Variants in DOCK6 observed in about 807,000 individuals in gnomAD.
DOCK6 encodes the protein dedicator of cytokinesis 6, also known as dedicator of cytokinesis protein 6.
Under a neutral mutation model 230.3 loss-of-function variants are expected in DOCK6, and 167 were observed. The observed-to-expected ratio is 0.73, with a 90% CI of 0.64 to 0.82. The LOEUF (loss-of-function observed/expected upper bound fraction) is 0.82. DOCK6 is among the 40% of genes least tolerant of loss of function. DOCK6 has a pLI of 0.00. For synonymous variants in DOCK6, 1,148 were observed against 1,185.0 expected (o/e 0.97, Z 0.64); for missense variants, 2,598 against 2,825.8 (o/e 0.92, Z 1.83).
In DOCK6 at chr19:11,227,343, G is replaced by A. The variant is rs544139438; in HGVS notation, c.2949C>T (p.Val983=). Reference sequence around the variant, plus strand: ...GAGACCCTGCATCTCTCACCTTGTGGACACGGGTGATGACCTCCAGGCCCA... The same window carrying A: ...GAGACCCTGCATCTCTCACCTTGTGAACACGGGTGATGACCTCCAGGCCCA... ...GSVGLEVITR[V]HKDVELAEHL... The change falls in exon 24 of 48, where the codon GTC becomes GTT. Residue 983 remains valine (V), a synonymous_variant. Transcript: ENST00000294618. The A allele has an allele frequency of 1.6e-5, 26 of 1,613,856 alleles. No individual in the cohort carries two copies. In the South Asian group the frequency reaches 2.7e-4, roughly 17 times the overall value.
At position 11,238,125 on chromosome 19, in the gene DOCK6, T is replaced by G. The variant is rs2079880558; in HGVS notation, c.1762-10A>C. 1 of 1,612,366 alleles carries G rather than the reference T, an allele frequency of 6.2e-7. No homozygotes were observed. Among genetic ancestry groups the G allele is most frequent in the Admixed American group, 1.7e-5 (1 of 59,820 alleles). ...ACTTGCCAAAGATGACCTGGGAGAG[T>G]GGATTCATGAGGGACCCATGGGGGA... On this transcript the variant is annotated splice_polypyrimidine_tract_variant and intron_variant, in intron 15 of 47. Coordinates refer to ENST00000294618, the MANE Select transcript of DOCK6 (RefSeq NM_020812.4).
intron 22 of DOCK6, among the ~76,000 whole-genome samples, chr19:11,231,748 T>C (rs2079768746): frequency 6.6e-6 from 1 of 151,956 alleles, no homozygotes; most frequent in African/African-American, 2.4e-5. Flanking sequence ...AGGCAAAGCG[T>C]CCCCCTACAC....
intron 22 of DOCK6, chr19:11,232,279 C>T (rs1433950779): frequency 3.1e-6 from 4 of 1,289,454 alleles, no homozygotes; most frequent in African/African-American, 1.5e-5. Flanking sequence ...GGAGTGTGAG[C>T]GATCGATGCC....
intron 34 of DOCK6, 150 bp downstream of exon 34, chr19:11,214,125 A>C: frequency 8.9e-7 from 1 of 1,125,172 alleles, no homozygotes; most frequent in Non-Finnish European, 1.2e-6. Context: ...GGGCCTCACT[A>C]TGTTGCCCAG....
At position 11,200,586 on chromosome 19, in the gene DOCK6, G is replaced by A. The variant is rs2079152645; in HGVS notation, c.5940-117C>T. On this transcript the variant is annotated intron_variant, in intron 46 of 47. Transcript: ENST00000294618. This position sits in a 1 kb window ranked among gnomAD's most constrained non-coding sequence, Gnocchi z 4.3. ...CCTGCAGAAAGACCCGCAATAGGAG[G>A]TCAGGTTGGGAGAGTGGACTTAATG... 5.3e-6 allele frequency: 8 copies of A among 1,511,612 alleles called. No homozygotes were observed. Among genetic ancestry groups the A allele is most frequent in the African/African-American group, 1.4e-5 (1 of 72,588 alleles). The allele number at this position is 1,511,612 out of a possible 1,614,324, so 93.6% of individuals were successfully genotyped here. A position where few individuals can be genotyped will look rare whatever the true frequency, so the allele number is the denominator to read the frequency against.
chr19:11,243,353 G>T lies in DOCK6; in HGVS notation c.1291C>A (p.Arg431=). 6.2e-7 allele frequency: 1 copy of T among 1,600,216 alleles called. No individual in the cohort carries two copies. Among genetic ancestry groups the T allele is most frequent in the Non-Finnish European group, 8.5e-7 (1 of 1,174,110 alleles). The change falls in exon 12 of 48, where the codon CGG becomes AGG. Residue 431 remains arginine (R), a synonymous_variant. Coordinates refer to ENST00000294618, the MANE Select transcript of DOCK6 (RefSeq NM_020812.4). The surrounding 1 kb of genome is among the most constrained non-coding windows in gnomAD (Gnocchi z 6.3). ...CTACTCGCCCGGTCCTGGGGCCCCCGACGGCGGCGGTCTGTCCAGGCTGGC... is the reference window on the plus strand; with the variant it reads ...CTACTCGCCCGGTCCTGGGGCCCCCTACGGCGGCGGTCTGTCCAGGCTGGC... The part of the protein sequence containing the change: ...RRPAWTDRRR[R]GPQDRASSGD...
intron 24 of DOCK6, among the ~76,000 whole-genome samples, chr19:11,225,056 TC>T (rs1218941326): frequency 2.1e-5 from 3 of 144,906 alleles, no homozygotes; most frequent in African/African-American, 7.8e-5. Flanking sequence ...AGAATGAGAC[TC>T]CGTCTCAAAA....
Position 11,200,670 on chromosome 19 carries a change from C to T in DOCK6, c.5939+46G>A. The T allele has an allele frequency of 6.4e-7, 1 of 1,560,092 alleles. No individual in the cohort carries two copies. Among genetic ancestry groups the T allele is most frequent in the Non-Finnish European group, 8.7e-7 (1 of 1,150,176 alleles). On this transcript the variant is annotated intron_variant, in intron 46 of 47. Coordinates refer to ENST00000294618, the MANE Select transcript of DOCK6 (RefSeq NM_020812.4). The surrounding 1 kb of genome is among the most constrained non-coding windows in gnomAD (Gnocchi z 4.3). ...CAGATGGGCAGAGAGCAGGCCTATG[C>T]AGGTTAGGCAGACACGAGACCCCTC...
chr19:11,251,822 C>T, intron 5 of DOCK6: 1 of 370,224 alleles, frequency 2.7e-6, no homozygotes, highest in Non-Finnish European at 5.0e-6. Flanking sequence ...TGTTGATTGA[C>T]AAAATACAGG....
intron 6 of DOCK6, among the ~76,000 whole-genome samples, chr19:11,250,471 T>C (rs941399704): frequency 3.3e-5 from 5 of 151,928 alleles, no homozygotes; most frequent in African/African-American, 9.7e-5. Flanking sequence ...CCTGCCACCA[T>C]GCCTGGCTAA....
At chr19:11,235,079 G>A (rs2079825227) in intron 21 of DOCK6, among the ~76,000 whole-genome samples, 1 of 151,846 alleles carries the variant, frequency 6.6e-6, no homozygotes, top group African/African-American at 2.4e-5. Flanking sequence ...AGTAGCTGGG[G>A]CTACAGGCGT....
chr19:11,259,874 G>C (rs143244967), intron 1 of DOCK6, among the ~76,000 whole-genome samples: 2,314 of 79,200 alleles, frequency 0.029, 53 homozygotes, highest in African/African-American at 0.091. Context: ...GGGCCGCCGC[G>C]CCCGGCCTTT....
chr19:11,229,875 A>G (rs2079735436), intron 22 of DOCK6, among the ~76,000 whole-genome samples: 1 of 151,694 alleles, frequency 6.6e-6, no homozygotes, highest in African/African-American at 2.4e-5. Context: ...AAACAAACAA[A>G]CAAACAAAAA....
chr19:11,223,610 C>T (rs931764549), intron 24 of DOCK6, among the ~76,000 whole-genome samples: 1 of 152,082 alleles, frequency 6.6e-6, no homozygotes, highest in Admixed American at 6.6e-5. Flanking sequence ...CCTAACTGAT[C>T]GACTCTTACC....
At position 11,235,596 on chromosome 19, in the gene DOCK6, A is replaced by G; in HGVS notation, c.2554+2T>C. The G allele has an allele frequency of 6.3e-7, 1 of 1,579,610 alleles. No individual in the cohort carries two copies. Among genetic ancestry groups the G allele is most frequent in the Non-Finnish European group, 8.6e-7 (1 of 1,158,314 alleles). ...GTCTCACAGGGATTTCTACAAACTC[A>G]CCATCCGGGAGGCTGGGCTCAGTGC... On this transcript the variant is annotated splice_donor_variant, in intron 21 of 47. Transcript: ENST00000294618. LOFTEE classifies it high-confidence loss of function.
intron 28 of DOCK6, 59 bp from the exon 29 acceptor site, chr19:11,217,450 TCA>T: frequency 6.4e-7 from 1 of 1,565,142 alleles, no homozygotes; most frequent in Non-Finnish European, 8.7e-7. Context: ...TGTCCCTGTC[TCA>T]AATTTCAGAA....
chr19:11,253,259 C>T (rs911751591), intron 2 of DOCK6, among the ~76,000 whole-genome samples: 9 of 152,128 alleles, frequency 5.9e-5, no homozygotes, highest in Admixed American at 1.3e-4. Flanking sequence ...AGGCAAGAGA[C>T]AATTCCTAAA....
chr19:11,236,268 A>G lies in DOCK6; in HGVS notation c.2392+78T>C, dbSNP rs1385693228. The G allele has an allele frequency of 7.5e-7, 1 of 1,334,000 alleles. No homozygotes were observed. The highest frequency in any genetic ancestry group is 1.0e-6 in the Non-Finnish European group (1 of 977,876). The allele number at this position is 1,334,000 out of a possible 1,614,324, so 82.6% of individuals were successfully genotyped here. A position where few individuals can be genotyped will look rare whatever the true frequency, so the allele number is the denominator to read the frequency against. ...AATGGCCAGAGAGGTAAATGGGCTT[A>G]TAGAAGATCCCTCAGGACCTCAGGA... On this transcript the variant is annotated intron_variant, in intron 20 of 47. Transcript: ENST00000294618. This position sits in a 1 kb window ranked among gnomAD's most constrained non-coding sequence, Gnocchi z 5.2.
chr19:11,210,404 A>G (rs541066731), intron 37 of DOCK6, among the ~76,000 whole-genome samples: 1 of 141,902 alleles, frequency 7.0e-6, no homozygotes. Flanking sequence ...TCACCAGTCC[A>G]TCCCTTCACC....
Sources: allele counts gnomAD v4.1 joint callset (sites outside exome capture counted in the v4.1 genomes callset), GRCh38; gene constraint gnomAD v4.1.1; non-coding constraint Gnocchi (gnomAD v3.1); transcripts MANE v1.5; gene names NCBI Gene and HGNC (gene_info 2026-07-23, HGNC 2026-07-21).